The following ZNF609 variants were observed in gnomAD, a reference collection of about 807,000 sequenced individuals.
ZNF609 encodes zinc finger protein 609.
In ZNF609, 11 loss-of-function variants were observed where a neutral mutation model predicts 109.5. The ratio of observed to expected loss-of-function variants is 0.10; its 90% confidence interval spans 0.06 to 0.17. The LOEUF is 0.17. ZNF609 is among the 10% of genes least tolerant of loss of function. The probability of loss-of-function intolerance (pLI) is 1.00; values close to 1 mark genes in which losing one functional copy is unlikely to be tolerated. For synonymous variants in ZNF609, 646 were observed against 662.0 expected, an observed-to-expected ratio of 0.98 and a Z score of 0.37; for missense variants, 1,559 against 1,772.4, an observed-to-expected ratio of 0.88 and a Z score of 2.16.
At chr15:64,645,280 G>A (rs1002344210) in intron 3 of ZNF609, among the ~76,000 whole-genome samples, 1 of 151,788 alleles carries the variant, frequency 6.6e-6, no homozygotes, top group Non-Finnish European at 1.5e-5. Flanking sequence ...TTGTAGAGAT[G>A]GGGTCTCACC....
chr15:64,505,139 AAAG>A (rs1330820780), intron 2 of ZNF609, among the ~76,000 whole-genome samples: 2 of 152,242 alleles, frequency 1.3e-5, no homozygotes, highest in African/African-American at 4.8e-5. Context: ...TGATGTTTGC[AAAG>A]AATAACCATT....
At chr15:64,562,976 A>C (rs902508405) in intron 2 of ZNF609, among the ~76,000 whole-genome samples, 3 of 151,814 alleles carry the variant, frequency 2.0e-5, no homozygotes, top group Admixed American at 2.0e-4. Context: ...CCAATTGTCT[A>C]ACGTATGGAG....
chr15:64,499,030 C>T (rs2140349959), intron 1 of ZNF609, among the ~76,000 whole-genome samples: 1 of 152,216 alleles, frequency 6.6e-6, no homozygotes, highest in East Asian at 1.9e-4. Flanking sequence ...GGGAAATTAA[C>T]TCTAGAGGAC....
chr15:64,566,826 G>A (rs1007150705), intron 2 of ZNF609, among the ~76,000 whole-genome samples: 5 of 152,076 alleles, frequency 3.3e-5, no homozygotes, highest in Non-Finnish European at 5.9e-5. Flanking sequence ...ATTATATTAC[G>A]TCCTAGGAGA....
intron 2 of ZNF609, among the ~76,000 whole-genome samples, chr15:64,579,168 T>C (rs1399314857): frequency 1.3e-5 from 2 of 152,152 alleles, no homozygotes; most frequent in East Asian, 3.8e-4. Context: ...TAAATAGATA[T>C]GTTCTATTGT....
chr15:64,528,928 AGAC>A, intron 2 of ZNF609: 1 of 1,239,206 alleles, frequency 8.1e-7, no homozygotes, highest in Non-Finnish European at 1.2e-6. Flanking sequence ...AGGTTTTTCC[AGAC>A]GACAGGTCAG....
rs573210910 is a variant in ZNF609, at chr15:64,682,493, C to T, written c.*807C>T. ...CTGTGAAGTAGAACCTGCGTCCCCA[C>T]TAAGTCCTGCTGCTTCTTATTCCCC... On this transcript the variant is annotated 3_prime_UTR_variant, in exon 10 of 10. Transcript: ENST00000326648. 6.5e-6 allele frequency: 1 copy of T among 152,986 alleles called. No individual in the cohort carries two copies. The highest frequency in any genetic ancestry group is 2.4e-5 in the African/African-American group (1 of 41,600). 9.5% of individuals were successfully genotyped at this position (152,986 alleles called of 1,614,324 possible). A position where few individuals can be genotyped will look rare whatever the true frequency, so the allele number is the denominator to read the frequency against.
chr15:64,599,347 C>T (rs1895456619), intron 2 of ZNF609, among the ~76,000 whole-genome samples: 1 of 151,982 alleles, frequency 6.6e-6, no homozygotes, highest in Non-Finnish European at 1.5e-5. Context: ...ATTTAAGCTC[C>T]AAAGACTGAG....
chr15:64,602,889 A>ATTTTTTTTTTTTTTT (rs10600562), intron 2 of ZNF609, among the ~76,000 whole-genome samples: 15 of 75,174 alleles, frequency 2.0e-4, no homozygotes, highest in African/African-American at 2.8e-4. Context: ...CTCTGGGCTA[A>ATTTTTTTTTTTTTTT]TTTTTTTTTT....
At chr15:64,611,213 AT>A (rs1275536016) in intron 2 of ZNF609, among the ~76,000 whole-genome samples, 6 of 152,172 alleles carry the variant, frequency 3.9e-5, no homozygotes, top group African/African-American at 7.2e-5. Context: ...AGGAGGGATT[AT>A]CAGCCTTCTA....
intron 2 of ZNF609, among the ~76,000 whole-genome samples, chr15:64,580,427 C>T (rs531920885): frequency 6.6e-6 from 1 of 152,098 alleles, no homozygotes; most frequent in South Asian, 2.1e-4. Flanking sequence ...TACTAACATT[C>T]TTTCTTTGTG....
chr15:64,625,932 TATATAGAGAGAGAGAGAGAG>T (rs1406062834), intron 3 of ZNF609, among the ~76,000 whole-genome samples: 82 of 74,604 alleles, frequency 1.1e-3, no homozygotes, highest in African/African-American at 3.8e-3. Flanking sequence ...TATATATATA[TATATAGAGAGAGAGAGAGAG>T]AGAGAGAGAG....
chr15:64,586,664 C>T (rs2140934275), intron 2 of ZNF609, among the ~76,000 whole-genome samples: 1 of 152,042 alleles, frequency 6.6e-6, no homozygotes, highest in East Asian at 1.9e-4. Context: ...CCCCCTCTGT[C>T]TGTGGAAAAA....
chr15:64,616,935 A>G (rs1895808841), intron 2 of ZNF609, among the ~76,000 whole-genome samples: 1 of 146,042 alleles, frequency 6.8e-6, no homozygotes, highest in East Asian at 2.2e-4. Context: ...CAGTCTCCCA[A>G]GTAGCTGGGA....
rs554300308 is a variant in ZNF609, at chr15:64,672,962, C to CAAA, written c.1062-939_1062-937dup. Among the ~76,000 whole-genome samples, 649 of 98,606 alleles carry CAAA rather than the reference C, an allele frequency of 6.6e-3. 9 individuals are homozygous for CAAA. Among genetic ancestry groups the CAAA allele is most frequent in the African/African-American group, 0.021 (612 of 28,662 alleles). The allele number at this position is 98,606 out of a possible 152,430, so 64.7% of individuals were successfully genotyped here. On this transcript the variant is annotated intron_variant, in intron 4 of 9. Transcript: ENST00000326648. Reference sequence around the variant, plus strand: ...CTGGCGACAGAGCAAGACTCCATCTCAAAAAAAAAAAAAAAAAGAATCAGA... The same window carrying CAAA: ...CTGGCGACAGAGCAAGACTCCATCTCAAAAAAAAAAAAAAAAAAAAGAATCAGA...
intron 2 of ZNF609, among the ~76,000 whole-genome samples, chr15:64,568,598 C>T (rs1172375931): frequency 6.6e-6 from 1 of 152,174 alleles, no homozygotes; most frequent in African/African-American, 2.4e-5. Flanking sequence ...GATTAAGAAT[C>T]ACAACTGTAG....
chr15:64,477,784 G>A (rs1252137505), intron 1 of ZNF609, among the ~76,000 whole-genome samples: 3 of 152,060 alleles, frequency 2.0e-5, no homozygotes, highest in Non-Finnish European at 2.9e-5. Context: ...ATGCGCCACC[G>A]CGCCCAGCTA....
At chr15:64,656,446 G>T (rs1896488846) in intron 3 of ZNF609, among the ~76,000 whole-genome samples, 4 of 152,110 alleles carry the variant, frequency 2.6e-5, no homozygotes, top group Admixed American at 2.6e-4. Context: ...TCAAGTATTA[G>T]ATCAGCTTTT....
chr15:64,598,767 TA>T (rs1895442477), intron 2 of ZNF609, among the ~76,000 whole-genome samples: 1 of 127,396 alleles, frequency 7.8e-6, no homozygotes. Flanking sequence ...TATATATATA[TA>T]TATATATATA....
Sources: gnomAD v4.1 joint callset for allele counts (sites outside exome capture counted in the v4.1 genomes callset) on GRCh38, gnomAD v4.1.1 for gene constraint, MANE v1.5 for transcripts, NCBI Gene and HGNC (gene_info 2026-07-23, HGNC 2026-07-21) for gene names.